Variants in RBFOX1 observed in about 807,000 individuals in gnomAD.
RBFOX1 encodes the protein RNA binding fox-1 homolog 1, also known as RNA binding protein fox-1 homolog 1.
Under a neutral mutation model 57.7 loss-of-function variants are expected in RBFOX1, and 8 were observed. The observed-to-expected ratio is 0.14, with a 90% CI of 0.08 to 0.25. The LOEUF is 0.25. RBFOX1 is among the 10% of genes least tolerant of loss of function. RBFOX1 has a pLI of 1.00. For synonymous variants in RBFOX1, 326 were observed against 222.4 expected (o/e 1.47, Z -4.15); for missense variants, 611 against 548.5 (o/e 1.11, Z -1.14).
chr16:6,942,268 A>T (rs1417694256), intron 3 of RBFOX1, among the ~76,000 whole-genome samples: 1 of 152,114 alleles, frequency 6.6e-6, no homozygotes, highest in East Asian at 1.9e-4. Context: ...TGACCGAGTG[A>T]GACTCCATCT....
At chr16:5,957,738 C>T (rs991902035) in intron 4 of RBFOX1, among the ~76,000 whole-genome samples, 7 of 152,104 alleles carry the variant, frequency 4.6e-5, no homozygotes, top group Admixed American at 2.0e-4. Flanking sequence ...TTTTGATACA[C>T]GCATGCAATG....
chr16:6,062,163 C>T (rs140657088), intron 1 of RBFOX1, among the ~76,000 whole-genome samples: 308 of 152,306 alleles, frequency 2.0e-3, no homozygotes, highest in Non-Finnish European at 2.7e-3. Context: ...TCTCTGGGTG[C>T]ATCACCTTCT....
intron 3 of RBFOX1, among the ~76,000 whole-genome samples, chr16:6,772,786 A>C (rs200855034): frequency 7.6e-6 from 1 of 131,908 alleles, no homozygotes; most frequent in African/African-American, 3.0e-5. Flanking sequence ...TGTGGGGTGC[A>C]TTTGTGTGCG....
At chr16:7,324,426 G>A (rs558089018) in intron 4 of RBFOX1, among the ~76,000 whole-genome samples, 29 of 152,206 alleles carry the variant, frequency 1.9e-4, no homozygotes, top group Admixed American at 6.5e-4. Flanking sequence ...AAAGTCCAGC[G>A]GAGTAGCTGC....
At chr16:5,433,165 G>A (rs1036222941) in intron 1 of RBFOX1, among the ~76,000 whole-genome samples, 8 of 152,210 alleles carry the variant, frequency 5.3e-5, no homozygotes, top group African/African-American at 1.9e-4. Context: ...TTACACGTGT[G>A]AGCCGCTGTG....
intron 4 of RBFOX1, among the ~76,000 whole-genome samples, chr16:5,869,196 C>T (rs955561745): frequency 4.6e-5 from 7 of 152,030 alleles, no homozygotes; most frequent in Admixed American, 2.6e-4. Flanking sequence ...TTCTGCCAGT[C>T]ATGAAGGACT....
intron 3 of RBFOX1, among the ~76,000 whole-genome samples, chr16:6,801,140 C>G (rs891138191): frequency 6.7e-6 from 1 of 150,068 alleles, no homozygotes; most frequent in African/African-American, 2.5e-5. Context: ...TGATATGCTC[C>G]TAGGTGATGT....
At position 5,330,416 on chromosome 16, in the gene RBFOX1, T is replaced by G. The variant is rs2064718153; in HGVS notation, c.219+90311T>G. Among the ~76,000 whole-genome samples, 2 of 152,196 alleles carry G rather than the reference T, an allele frequency of 1.3e-5. 1 individual carries two copies. Among genetic ancestry groups the G allele is most frequent in the African/African-American group, 4.8e-5 (2 of 41,434 alleles). Reference sequence around the variant, plus strand: ...ATTTTATTTGATTAAAAGAAAATTTTTTTTGAGACAGAGTCTCAGTCTGTC... The same window carrying G: ...ATTTTATTTGATTAAAAGAAAATTTGTTTTGAGACAGAGTCTCAGTCTGTC... On this transcript the variant is annotated intron_variant, in intron 1 of 2. Transcript: ENST00000585867.
intron 1 of RBFOX1, among the ~76,000 whole-genome samples, chr16:5,267,201 T>C (rs1035038306): frequency 4.6e-5 from 7 of 152,272 alleles, no homozygotes; most frequent in African/African-American, 1.7e-4. Context: ...AAATGGACTT[T>C]GCTAAAATCT....
At chr16:7,568,114 C>G (rs2152745806) in intron 5 of RBFOX1, among the ~76,000 whole-genome samples, 1 of 152,110 alleles carries the variant, frequency 6.6e-6, no homozygotes, top group African/African-American at 2.4e-5. Context: ...GTTCTAGGAT[C>G]TCACACAAAA....
At chr16:6,612,974 AGT>A (rs1422017152) in intron 2 of RBFOX1, among the ~76,000 whole-genome samples, 1 of 151,500 alleles carries the variant, frequency 6.6e-6, no homozygotes, top group Non-Finnish European at 1.5e-5. Flanking sequence ...TCACGTGCCA[AGT>A]GAGAGAAGGC....
intron 4 of RBFOX1, among the ~76,000 whole-genome samples, chr16:7,450,088 T>A (rs1019746614): frequency 6.6e-6 from 1 of 152,092 alleles, no homozygotes. Context: ...GAACTCAATC[T>A]AAAGTATAAA....
chr16:6,273,695 A>G (rs1401445619), intron 1 of RBFOX1, among the ~76,000 whole-genome samples: 5 of 152,112 alleles, frequency 3.3e-5, no homozygotes, highest in Non-Finnish European at 2.9e-5. Context: ...AGAAAAGAAA[A>G]TGATAAATTG....
intron 3 of RBFOX1, among the ~76,000 whole-genome samples, chr16:6,784,451 C>G (rs551890304): frequency 2.6e-5 from 4 of 152,052 alleles, no homozygotes; most frequent in Non-Finnish European, 5.9e-5. Flanking sequence ...TCTGCAATTT[C>G]TGTTTGATTT....
At chr16:5,864,911 G>A (rs79747374) in intron 3 of RBFOX1, among the ~76,000 whole-genome samples, 1,554 of 152,276 alleles carry the variant, frequency 0.01, 33 homozygotes, top group African/African-American at 0.034. Context: ...CTGTACTTTA[G>A]TCATTATACT....
chr16:7,534,539 G>C (rs920212111), intron 5 of RBFOX1, among the ~76,000 whole-genome samples: 3 of 152,114 alleles, frequency 2.0e-5, no homozygotes, highest in Admixed American at 2.0e-4. Flanking sequence ...ACTGATCCCA[G>C]GAAGAGCCCC....
At chr16:6,005,587 T>C (rs1218197289) in intron 4 of RBFOX1, among the ~76,000 whole-genome samples, 1 of 152,210 alleles carries the variant, frequency 6.6e-6, no homozygotes, top group Non-Finnish European at 1.5e-5. Context: ...GCCTCTGTGT[T>C]GCAGGATATT....
In RBFOX1 at chr16:6,224,489, C is replaced by A. The variant is rs984108219; in HGVS notation, c.-126-92506C>A. Among the ~76,000 whole-genome samples, 9 of 152,054 alleles carry A rather than the reference C, an allele frequency of 5.9e-5. No homozygotes were observed. In the East Asian group the frequency reaches 9.7e-4, roughly 16 times the overall value. ...GTGCTGATGTTGCTGGTCTATGGAC[C>A]ACACTTGGAGTAGTAAGATGCTCGA... is the stretch of plus-strand genomic sequence containing the variant. On this transcript the variant is annotated intron_variant, in intron 1 of 15. Transcript: ENST00000550418.
chr16:6,584,057 C>G (rs190826470), intron 2 of RBFOX1, among the ~76,000 whole-genome samples: 7 of 149,578 alleles, frequency 4.7e-5, no homozygotes, highest in African/African-American at 7.3e-5. Context: ...GTTCTTTTAA[C>G]AATAATAAAG....
Sources: gnomAD v4.1 joint callset for allele counts (sites outside exome capture counted in the v4.1 genomes callset) on GRCh38, gnomAD v4.1.1 for gene constraint, MANE v1.5 for transcripts, NCBI Gene and HGNC (gene_info 2026-07-23, HGNC 2026-07-21) for gene names.